The following HRH1 variants were observed in gnomAD, a reference collection of about 807,000 sequenced individuals.
HRH1 encodes the protein histamine H1 receptor.
Under a neutral mutation model 10.3 loss-of-function variants are expected in HRH1, and 6 were observed. The ratio of observed to expected loss-of-function variants is 0.58; its 90% CI spans 0.32 to 1.15. HRH1 has a LOEUF of 1.15. Ranked by LOEUF, HRH1 falls within the 50% of genes most tolerant of loss-of-function variation. The pLI is 0.05. For missense variants in HRH1, 514 were observed against 615.3 expected (o/e 0.84, Z 1.74); for synonymous variants, 242 against 236.7 (o/e 1.02, Z -0.21).
intron 1 of HRH1, among the ~76,000 whole-genome samples, chr3:11,193,694 C>A (rs770133607): frequency 1.3e-5 from 2 of 152,130 alleles, no homozygotes; most frequent in Non-Finnish European, 2.9e-5. Flanking sequence ...AAGCTCAAGG[C>A]GACAGCAGAT....
At chr3:11,151,662 T>C (rs1452866115), upstream of HRH1, among the ~76,000 whole-genome samples, 10 of 152,094 alleles carry the variant, frequency 6.6e-5, no homozygotes, top group Non-Finnish European at 7.4e-5. Context: ...CATGCCCAGC[T>C]AATTTATTTA....
chr3:11,161,889 G>A (rs1300656430), intron 1 of HRH1, among the ~76,000 whole-genome samples: 5 of 152,160 alleles, frequency 3.3e-5, no homozygotes, highest in Non-Finnish European at 4.4e-5. Flanking sequence ...GGGAAGGGCC[G>A]ATAAATAGCA....
intron 1 of HRH1, among the ~76,000 whole-genome samples, chr3:11,242,922 T>C (rs1029401441): frequency 4.6e-5 from 7 of 152,096 alleles, no homozygotes; most frequent in Non-Finnish European, 1.0e-4. Context: ...CTCTTTTTTT[T>C]TTCCTTTTTT....
chr3:11,210,924 A>G (rs1421168719), intron 1 of HRH1, among the ~76,000 whole-genome samples: 2 of 152,296 alleles, frequency 1.3e-5, no homozygotes, highest in South Asian at 2.1e-4. Context: ...ACATTGTAAC[A>G]TTCATTCATT....
intron 1 of HRH1, among the ~76,000 whole-genome samples, chr3:11,215,717 A>C (rs1172964160): frequency 6.6e-6 from 1 of 152,236 alleles, no homozygotes; most frequent in African/African-American, 2.4e-5. Flanking sequence ...CTGGGATTAC[A>C]GGCGTGAGCC....
chr3:11,221,300 C>T (rs1036757354), intron 1 of HRH1, among the ~76,000 whole-genome samples: 1 of 152,016 alleles, frequency 6.6e-6, no homozygotes, highest in Admixed American at 6.6e-5. Context: ...TGCCTATAAT[C>T]CTAGCACTTT....
At chr3:11,151,449 G>C (rs1936619252), upstream of HRH1, among the ~76,000 whole-genome samples, 1 of 152,102 alleles carries the variant, frequency 6.6e-6, no homozygotes, top group African/African-American at 2.4e-5. Context: ...ATTTATAATT[G>C]GGTTTAAGTT....
At chr3:11,153,618 A>G (rs28364806), upstream of HRH1, among the ~76,000 whole-genome samples, 11,636 of 152,048 alleles carry the variant, frequency 0.077, 584 homozygotes, top group South Asian at 0.2. Flanking sequence ...CAAAGGTTCA[A>G]ATGGAGTTTT....
At chr3:11,180,484 G>A (rs1427533797) in intron 1 of HRH1, among the ~76,000 whole-genome samples, 1 of 152,188 alleles carries the variant, frequency 6.6e-6, no homozygotes, top group African/African-American at 2.4e-5. Context: ...TGATCCGACA[G>A]GAGGCAGAGC....
Position 11,174,442 on chromosome 3 carries a change from G to A in HRH1, c.-36+19888G>A, listed in dbSNP as rs182548486. Among the ~76,000 whole-genome samples, 278 of 152,280 alleles carry A rather than the reference G, an allele frequency of 1.8e-3. 1 individual carries two copies. Among genetic ancestry groups the A allele is most frequent in the South Asian group, 1.5e-3 (7 of 4,826 alleles). ...CTGATTCCCTCTGATGGCCAAAGGCGTGGCTCAAAGTCTTTCTGGGGTCTC... is the reference window on the plus strand; with the variant it reads ...CTGATTCCCTCTGATGGCCAAAGGCATGGCTCAAAGTCTTTCTGGGGTCTC... On this transcript the variant is annotated intron_variant, in intron 1 of 1. Coordinates refer to ENST00000431010, the MANE Select transcript of HRH1 (RefSeq NM_001098212.2).
chr3:11,162,893 C>G, intron 1 of HRH1, among the ~76,000 whole-genome samples: 1 of 152,048 alleles, frequency 6.6e-6, no homozygotes, highest in African/African-American at 2.4e-5. Flanking sequence ...TAGACATGAC[C>G]CTCCTAGGCA....
At chr3:11,156,632 C>G (rs981739282) in intron 1 of HRH1, among the ~76,000 whole-genome samples, 2 of 152,170 alleles carry the variant, frequency 1.3e-5, no homozygotes, top group Non-Finnish European at 2.9e-5. Context: ...TACACGTCTC[C>G]GTTCCTTGGT....
intron 1 of HRH1, among the ~76,000 whole-genome samples, chr3:11,162,684 C>G (rs1437158424): frequency 6.6e-6 from 1 of 151,942 alleles, no homozygotes; most frequent in African/African-American, 2.4e-5. Context: ...TGGGAGAGGA[C>G]AGCCCCTTGG....
intron 1 of HRH1, among the ~76,000 whole-genome samples, chr3:11,215,624 G>C (rs973863805): frequency 1.3e-5 from 2 of 152,166 alleles, no homozygotes; most frequent in Admixed American, 1.3e-4. Flanking sequence ...GTATTTTTTA[G>C]TAGAGACAGG....
Position 11,163,557 on chromosome 3 carries a change from C to T in HRH1, c.-36+9003C>T, listed in dbSNP as rs78446596. ...AGTTCTGAATTTCTCTGTGCCTCAG[C>T]TTCCTCATCTGTGAAATGGGAATGA... On this transcript the variant is annotated intron_variant, in intron 1 of 1. Transcript: ENST00000431010. Among the ~76,000 whole-genome samples the T allele has an allele frequency of 1.9e-3, 291 of 152,260 alleles. 1 individual carries two copies. Among genetic ancestry groups the T allele is most frequent in the African/African-American group, 6.5e-3 (272 of 41,546 alleles).
chr3:11,253,920 T>A (rs934968279), intron 1 of HRH1, among the ~76,000 whole-genome samples: 2 of 152,080 alleles, frequency 1.3e-5, no homozygotes, highest in African/African-American at 2.4e-5. Flanking sequence ...TTAAGCTCCT[T>A]TTTTAGGTTT....
chr3:11,224,908 A>G (rs746456554), intron 1 of HRH1, among the ~76,000 whole-genome samples: 2 of 152,168 alleles, frequency 1.3e-5, no homozygotes, highest in Non-Finnish European at 2.9e-5. Flanking sequence ...TCCTCGATAA[A>G]TATGCCCCTT....
chr3:11,245,596 G>A (rs1278382987), intron 1 of HRH1, among the ~76,000 whole-genome samples: 1 of 152,160 alleles, frequency 6.6e-6, no homozygotes, highest in Non-Finnish European at 1.5e-5. Context: ...TGCAAGGAGC[G>A]CTGACTGGGT....
chr3:11,153,428 T>G (rs1419320892), upstream of HRH1, among the ~76,000 whole-genome samples: 1 of 152,114 alleles, frequency 6.6e-6, no homozygotes, highest in African/African-American at 2.4e-5. Flanking sequence ...CCCAGCTCTG[T>G]GTGGTCCACA....
Sources: allele counts gnomAD v4.1 joint callset (sites outside exome capture counted in the v4.1 genomes callset), GRCh38; gene constraint gnomAD v4.1.1; transcripts MANE v1.5; gene names NCBI Gene and HGNC (gene_info 2026-07-23, HGNC 2026-07-21).